FZD10: variants seen among roughly 807,000 people sequenced by gnomAD.
FZD10 encodes frizzled class receptor 10.
FZD10 carries 14 observed loss-of-function variants against 24.4 expected under a neutral mutation model. The observed-to-expected ratio is 0.57, with a 90% CI of 0.38 to 0.90. The LOEUF is 0.90. Ranked by LOEUF, FZD10 falls within the 40% of genes least tolerant of loss-of-function variation. The pLI, the probability that FZD10 is intolerant of heterozygous loss-of-function variation, is 0.00. For missense variants in FZD10, 775 were observed against 816.6 expected (o/e 0.95, Z 0.62); for synonymous variants, 381 against 349.1 (o/e 1.09, Z -1.02).
Position 130,163,890 on chromosome 12 carries a change from C to G in FZD10, c.948C>G (p.Leu316=), listed in dbSNP as rs1871741705. 4.3e-6 allele frequency: 7 copies of G among 1,613,880 alleles called. No individual in the cohort carries two copies. The highest frequency in any genetic ancestry group is 5.9e-6 in the Non-Finnish European group (7 of 1,180,044). Residue 316 remains leucine (L), a synonymous_variant, in exon 1 of 1, where the codon CTC becomes CTG. Transcript: ENST00000229030. ...GCTGCACGCTGGTCTTCCTGGTCCT[C>G]TACTACTTCGGCATGGCCAGCTCGC... ...STGCTLVFLV[L]YYFGMASSLW...
Position 130,163,683 on chromosome 12 carries a change from C to T in FZD10, c.741C>T (p.Leu247=), listed in dbSNP as rs1317999423. The T allele has an allele frequency of 1.9e-6, 3 of 1,613,666 alleles. No homozygotes were observed. The East Asian group carries it at 6.7e-5, about 36-fold the overall frequency. ...TCTTCTCCAGCGCCTTCACCGTGCT[C>T]ACCTTCCTCATCGACCCGGCCCGCT... The part of the protein sequence containing the change: ...LCFFSSAFTV[L]TFLIDPARFR... Residue 247 remains leucine (L), a synonymous_variant, in exon 1 of 1, where the codon CTC becomes CTT. Transcript: ENST00000229030.
In FZD10 at chr12:130,164,098, G is replaced by A. The variant is rs764506823; in HGVS notation, c.1156G>A (p.Val386Met). Residue 386 changes from valine (V) to methionine (M), a missense_variant, in exon 1 of 1, where the codon GTG becomes ATG. Coordinates refer to ENST00000229030, the MANE Select transcript of FZD10 (RefSeq NM_007197.4). This position sits in a 1 kb window ranked among gnomAD's most constrained non-coding sequence, Gnocchi z 5.3. The stretch of plus-strand genomic sequence containing the variant: ...GGACGAGCTCACCGGGGTCTGCTAC[G>A]TGGGCAGCATGGACGTCAACGCGCT... ...AGDELTGVCY[V>M]GSMDVNALTG... 6.2e-7 allele frequency: 1 copy of A among 1,613,690 alleles called. No individual in the cohort carries two copies. The highest frequency in any genetic ancestry group is 2.2e-5 in the East Asian group (1 of 44,878).
chr12:130,165,404 G>A lies in FZD10; in HGVS notation c.*716G>A, dbSNP rs1310559003. Reference sequence around the variant, plus strand: ...CCTAACAAAAGAACTAAGAGGCCCAGCCCTCAGAAACCCTTCAGTGCTACA... The same window carrying A: ...CCTAACAAAAGAACTAAGAGGCCCAACCCTCAGAAACCCTTCAGTGCTACA... On this transcript the variant is annotated 3_prime_UTR_variant, in exon 1 of 1. Coordinates refer to ENST00000229030, the MANE Select transcript of FZD10 (RefSeq NM_007197.4). 1 of 166,964 alleles carries A rather than the reference G, an allele frequency of 6.0e-6. No individual in the cohort carries two copies. Among genetic ancestry groups the A allele is most frequent in the Non-Finnish European group, 1.5e-5 (1 of 68,122 alleles). The allele number at this position is 166,964 out of a possible 1,614,324, so 10.3% of individuals were successfully genotyped here.
chr12:130,164,128 G>A lies in FZD10; in HGVS notation c.1186G>A (p.Gly396Ser). The A allele has an allele frequency of 6.2e-7, 1 of 1,613,888 alleles. No homozygotes were observed. The highest frequency in any genetic ancestry group is 8.5e-7 in the Non-Finnish European group (1 of 1,180,010). ...VGSMDVNALTGFVLIPLACYL... is the reference protein window; with the variant it reads ...VGSMDVNALTSFVLIPLACYL... ...CAGCATGGACGTCAACGCGCTCACC[G>A]GCTTCGTGCTCATTCCCCTGGCCTG... The change falls in exon 1 of 1, where the codon GGC (glycine) becomes AGC (serine). Residue 396 changes from glycine to serine, a missense_variant. Coordinates refer to ENST00000229030, the MANE Select transcript of FZD10 (RefSeq NM_007197.4). The surrounding 1 kb of genome is among the most constrained non-coding windows in gnomAD (Gnocchi z 5.3).
In FZD10 at chr12:130,163,722, G is replaced by T; in HGVS notation, c.780G>T (p.Glu260Asp). The change falls in exon 1 of 1, where the codon GAG becomes GAT. Residue 260 changes from glutamate (E) to aspartate (D), a missense_variant. Transcript: ENST00000229030. ...LIDPARFRYPERPIIFLSMCY... is the reference protein window; with the variant it reads ...LIDPARFRYPDRPIIFLSMCY... ...ACCCGGCCCGCTTCCGCTACCCCGA[G>T]CGCCCCATCATCTTCCTCTCCATGT... The T allele has an allele frequency of 6.2e-7, 1 of 1,613,890 alleles. No individual in the cohort carries two copies.
chr12:130,164,471 T>C lies in FZD10; in HGVS notation c.1529T>C (p.Met510Thr), dbSNP rs916313076. ...GAGATCTTCATGGTGAAGATCTTTA[T>C]GCTGCTGGTGGTGGGGATCACCAGC... ...AVEIFMVKIF[M>T]LLVVGITSGM... is the part of the protein sequence containing the mutation. The change falls in exon 1 of 1, where the codon ATG becomes ACG. Residue 510 changes from methionine to threonine, a missense_variant. Physicochemically the swap from Met to Thr is moderately conservative, Grantham distance 81. Transcript: ENST00000229030. This position sits in a 1 kb window ranked among gnomAD's most constrained non-coding sequence, Gnocchi z 5.3. 2 of 1,613,616 alleles carry C rather than the reference T, an allele frequency of 1.2e-6. No homozygotes were observed. The highest frequency in any genetic ancestry group is 1.6e-4 in the Middle Eastern group (1 of 6,062).
At position 130,163,634 on chromosome 12, in the gene FZD10, T is replaced by G. The variant is rs1423537575; in HGVS notation, c.692T>G (p.Leu231Arg). The change falls in exon 1 of 1, where the codon CTG becomes CGG. Residue 231 changes from leucine (L) to arginine (R), a missense_variant. Coordinates refer to ENST00000229030, the MANE Select transcript of FZD10 (RefSeq NM_007197.4). The part of the protein sequence containing the change: ...REDKRFAVVW[L>R]AIWAVLCFFS... ...GACAAGCGCTTCGCAGTGGTCTGGC[T>G]GGCCATCTGGGCGGTGCTGTGCTTC... The G allele has an allele frequency of 6.2e-7, 1 of 1,613,164 alleles. No homozygotes were observed. The highest frequency in any genetic ancestry group is 1.1e-5 in the South Asian group (1 of 91,090).
At position 130,163,233 on chromosome 12, in the gene FZD10, G is replaced by A. The variant is rs1593019138; in HGVS notation, c.291G>A (p.Glu97=). ...CGCTGTACGCGCCGATGTGCACCGAGCAGGTCTCTACCCCCATCCCCGCCT... is the reference window on the plus strand; with the variant it reads ...CGCTGTACGCGCCGATGTGCACCGAACAGGTCTCTACCCCCATCCCCGCCT... ...LCSLYAPMCT[E]QVSTPIPACR... The change falls in exon 1 of 1, where the codon GAG becomes GAA. Residue 97 remains glutamate, a synonymous_variant. Transcript: ENST00000229030. 3.7e-6 allele frequency: 6 copies of A among 1,613,020 alleles called. No homozygotes were observed. In the East Asian group the frequency reaches 1.1e-4, roughly 30 times the overall value.
At position 130,163,476 on chromosome 12, in the gene FZD10, G is replaced by C. The variant is rs1418157904; in HGVS notation, c.534G>C (p.Gln178His). The change falls in exon 1 of 1, where the codon CAG (glutamine) becomes CAC (histidine). Residue 178 changes from glutamine (Q) to histidine (H), a missense_variant. Coordinates refer to ENST00000229030, the MANE Select transcript of FZD10 (RefSeq NM_007197.4). Reference sequence around the variant, plus strand: ...GGCCGCAGCGGCCCCACAGCGCGCAGGAGCACCCGCTGAAGGACGGGGGCC... The same window carrying C: ...GGCCGCAGCGGCCCCACAGCGCGCACGAGCACCCGCTGAAGGACGGGGGCC... The part of the protein sequence containing the change: ...LFRPQRPHSA[Q>H]EHPLKDGGPG... 8.1e-6 allele frequency: 13 copies of C among 1,605,530 alleles called. No homozygotes were observed. The highest frequency in any genetic ancestry group is 1.7e-4 in the Middle Eastern group (1 of 6,026).
Position 130,162,489 on chromosome 12 carries a change from G to C in FZD10, c.-454G>C, listed in dbSNP as rs1871674407. ...CTTCTCATCCCGGGACGCAAACCTC[G>C]AAACAGCTGCCGGCTGGTCCCGGCC... On this transcript the variant is annotated 5_prime_UTR_variant, in exon 1 of 1. Transcript: ENST00000229030. 1 of 151,792 alleles carries C rather than the reference G, an allele frequency of 6.6e-6. No homozygotes were observed. The highest frequency in any genetic ancestry group is 2.1e-4 in the South Asian group (1 of 4,832). The allele number at this position is 151,792 out of a possible 1,614,324, so 9.4% of individuals were successfully genotyped here.
rs1566096630 is a variant in FZD10 at position 130,164,228 on chromosome 12, CG to C, written c.1289del (p.Gly430AlafsTer29). On this transcript the variant is annotated frameshift_variant, in exon 1 of 1. Transcript: ENST00000229030. LOFTEE classifies it low-confidence loss of function (END_TRUNC). This position sits in a 1 kb window ranked among gnomAD's most constrained non-coding sequence, Gnocchi z 5.3. ...ALFHIRRVMK[T>X]GGENTDKLEK... ...TTCCACATCCGGAGGGTGATGAAGACGGGCGGCGAGAACACGGACAAGCTGG... is the reference window on the plus strand; with the variant it reads ...TTCCACATCCGGAGGGTGATGAAGACGGCGGCGAGAACACGGACAAGCTGG... 1 of 1,614,118 alleles carries C rather than the reference CG, an allele frequency of 6.2e-7. No individual in the cohort carries two copies. Among genetic ancestry groups the C allele is most frequent in the Non-Finnish European group, 8.5e-7 (1 of 1,180,038 alleles).
In FZD10 at chr12:130,162,801, T is replaced by G. The variant is rs1404939027; in HGVS notation, c.-142T>G. On this transcript the variant is annotated 5_prime_UTR_variant, in exon 1 of 1. Coordinates refer to ENST00000229030, the MANE Select transcript of FZD10 (RefSeq NM_007197.4). ...GCGGAGAGCCGAGCCGGGGGCGCTG[T>G]GCGCAGCGCTCGGGCCAGGCCGGGC... is the stretch of plus-strand genomic sequence containing the variant. 7.0e-6 allele frequency: 3 copies of G among 427,996 alleles called. No individual in the cohort carries two copies. The highest frequency in any genetic ancestry group is 1.1e-5 in the Non-Finnish European group (3 of 264,598). 26.5% of individuals were successfully genotyped at this position (427,996 alleles called of 1,614,324 possible).
chr12:130,164,252 T>G lies in FZD10; in HGVS notation c.1310T>G (p.Leu437Arg), dbSNP rs1275728761. ...MKTGGENTDK[L>R]EKLMVRIGLF... ...ACGGGCGGCGAGAACACGGACAAGC[T>G]GGAGAAGCTCATGGTGCGTATCGGG... Residue 437 changes from leucine to arginine, a missense_variant, in exon 1 of 1, where the codon CTG becomes CGG. Coordinates refer to ENST00000229030, the MANE Select transcript of FZD10 (RefSeq NM_007197.4). This position sits in a 1 kb window ranked among gnomAD's most constrained non-coding sequence, Gnocchi z 5.3. 4 of 1,614,004 alleles carry G rather than the reference T, an allele frequency of 2.5e-6. No individual in the cohort carries two copies. The highest frequency in any genetic ancestry group is 1.3e-5 in the African/African-American group (1 of 74,922).
rs753942059 is a variant in FZD10, at chr12:130,162,958, C to G, written c.16C>G (p.Pro6Ala). Residue 6 changes from proline to alanine, a missense_variant, in exon 1 of 1, where the codon CCC becomes GCC. Transcript: ENST00000229030. The stretch of plus-strand genomic sequence containing the variant: ...CAACGCCAGCATGCAGCGCCCGGGC[C>G]CCCGCCTGTGGCTGGTCCTGCAGGT... MQRPG[P>A]RLWLVLQVMG... 1.9e-5 allele frequency: 29 copies of G among 1,541,746 alleles called. No homozygotes were observed. Among genetic ancestry groups the G allele is most frequent in the African/African-American group, 1.4e-5 (1 of 73,224 alleles).
chr12:130,164,765 C>CT lies in FZD10; in HGVS notation c.*79dup, dbSNP rs1871778261. On this transcript the variant is annotated 3_prime_UTR_variant, in exon 1 of 1. Coordinates refer to ENST00000229030, the MANE Select transcript of FZD10 (RefSeq NM_007197.4). This position sits in a 1 kb window ranked among gnomAD's most constrained non-coding sequence, Gnocchi z 5.3. ...TTTCTTGGTTGTGTTTTTCTTTCTT[C>CT]TTCTTCTTTTTTTTTTTTTATAAAA... The CT allele has an allele frequency of 2.0e-6, 2 of 990,978 alleles. No homozygotes were observed. The highest frequency in any genetic ancestry group is 2.8e-6 in the Non-Finnish European group (2 of 704,460). The allele number at this position is 990,978 out of a possible 1,614,324, so 61.4% of individuals were successfully genotyped here. A position where few individuals can be genotyped will look rare whatever the true frequency, so the allele number is the denominator to read the frequency against.
At position 130,164,308 on chromosome 12, in the gene FZD10, A is replaced by T; in HGVS notation, c.1366A>T (p.Thr456Ser). The T allele has an allele frequency of 6.2e-7, 1 of 1,614,102 alleles. No homozygotes were observed. Among genetic ancestry groups the T allele is most frequent in the Non-Finnish European group, 8.5e-7 (1 of 1,180,012 alleles). The change falls in exon 1 of 1, where the codon ACC becomes TCC. Residue 456 changes from threonine (T) to serine (S), a missense_variant. By Grantham distance (58) the Thr-to-Ser change is moderately conservative. Transcript: ENST00000229030. This position sits in a 1 kb window ranked among gnomAD's most constrained non-coding sequence, Gnocchi z 5.3. ...CTCTGTGCTGTACACCGTGCCGGCCACCTGTGTGATCGCCTGCTACTTTTA... is the reference window on the plus strand; with the variant it reads ...CTCTGTGCTGTACACCGTGCCGGCCTCCTGTGTGATCGCCTGCTACTTTTA... ...LFSVLYTVPA[T>S]CVIACYFYER...
In FZD10 at chr12:130,163,283, G is replaced by A. The variant is rs1871711747; in HGVS notation, c.341G>A (p.Arg114Gln). Residue 114 changes from arginine (R) to glutamine (Q), a missense_variant, in exon 1 of 1, where the codon CGG (arginine) becomes CAG (glutamine). Coordinates refer to ENST00000229030, the MANE Select transcript of FZD10 (RefSeq NM_007197.4). ...TGCCGGGTCATGTGCGAGCAGGCCC[G>A]GCTCAAGTGCTCCCCGATTATGGAG... ...PACRVMCEQA[R>Q]LKCSPIMEQF... 2 of 1,613,128 alleles carry A rather than the reference G, an allele frequency of 1.2e-6. No homozygotes were observed. The highest frequency in any genetic ancestry group is 1.7e-6 in the Non-Finnish European group (2 of 1,179,976).
chr12:130,163,869 C>T lies in FZD10; in HGVS notation c.927C>T (p.Cys309=), dbSNP rs1871740829. 3 of 1,613,830 alleles carry T rather than the reference C, an allele frequency of 1.9e-6. No individual in the cohort carries two copies. The Admixed American group carries it at 5.0e-5, about 27-fold the overall frequency. Residue 309 remains cysteine (C), a synonymous_variant, in exon 1 of 1, where the codon TGC becomes TGT. Coordinates refer to ENST00000229030, the MANE Select transcript of FZD10 (RefSeq NM_007197.4). ...VIQEGLESTG[C]TLVFLVLYYF... ...AGGAGGGACTGGAGAGCACCGGCTG[C>T]ACGCTGGTCTTCCTGGTCCTCTACT... is the stretch of plus-strand genomic sequence containing the variant.
chr12:130,165,276 C>T lies in FZD10; in HGVS notation c.*588C>T, dbSNP rs1000687130. ...AGACAGAAACCTCCATCAAACCTCA[C>T]ATTTGTGAACTCAAACGATGTGCAA... On this transcript the variant is annotated 3_prime_UTR_variant, in exon 1 of 1. Coordinates refer to ENST00000229030, the MANE Select transcript of FZD10 (RefSeq NM_007197.4). The T allele has an allele frequency of 2.1e-4, 35 of 167,072 alleles. No individual in the cohort carries two copies. The highest frequency in any genetic ancestry group is 8.2e-4 in the African/African-American group (34 of 41,466). 10.3% of individuals were successfully genotyped at this position (167,072 alleles called of 1,614,324 possible). A position where few individuals can be genotyped will look rare whatever the true frequency, so the allele number is the denominator to read the frequency against.
Sources: allele counts gnomAD v4.1 joint callset, GRCh38; gene constraint gnomAD v4.1.1; non-coding constraint Gnocchi (gnomAD v3.1); transcripts MANE v1.5; gene names NCBI Gene and HGNC (gene_info 2026-07-23, HGNC 2026-07-21).